Variants in STRN observed in about 807,000 individuals in gnomAD.
The protein encoded by STRN is protein phosphatase 2 regulatory subunit B'''alpha.
A neutral mutation model predicts 96.3 loss-of-function variants in STRN; 53 were observed. The ratio of observed to expected loss-of-function variants is 0.55; its 90% CI spans 0.44 to 0.69. The LOEUF is 0.69. Among genes scored for constraint, STRN ranks in the 30% least tolerant of loss-of-function variants. The pLI is 0.00. For missense variants in STRN, 987 were observed against 963.9 expected (o/e 1.02, Z -0.32); for synonymous variants, 428 against 355.9 (o/e 1.20, Z -2.28).
intron 2 of STRN, among the ~76,000 whole-genome samples, chr2:36,922,362 T>C (rs1273080639): frequency 1.3e-5 from 2 of 151,684 alleles, no homozygotes; most frequent in Non-Finnish European, 2.9e-5. Flanking sequence ...CTCTAAAAAA[T>C]TAAAAATTTA....
chr2:36,928,290 G>A (rs887859356), intron 1 of STRN, among the ~76,000 whole-genome samples: 4 of 152,118 alleles, frequency 2.6e-5, no homozygotes, highest in African/African-American at 9.7e-5. Flanking sequence ...AAGGGCGAGG[G>A]TGAGAGACAT....
intron 8 of STRN, among the ~76,000 whole-genome samples, chr2:36,885,935 G>T (rs954153712): frequency 2.0e-5 from 3 of 152,036 alleles, no homozygotes; most frequent in Admixed American, 2.0e-4. Context: ...ATTTAGCCTT[G>T]TTCCCCTAAG....
chr2:36,929,940 G>C (rs533482887), intron 1 of STRN, among the ~76,000 whole-genome samples: 1 of 152,302 alleles, frequency 6.6e-6, no homozygotes, highest in African/African-American at 2.4e-5. Context: ...CAAAGTAAAA[G>C]AGGAAATATA....
intron 2 of STRN, among the ~76,000 whole-genome samples, chr2:36,918,750 C>T (rs1222508676): frequency 1.3e-5 from 2 of 152,160 alleles, no homozygotes; most frequent in Non-Finnish European, 2.9e-5. Flanking sequence ...ACAGAACCCT[C>T]CTTATGCTTA....
rs1368729439 is a variant in STRN, at chr2:36,966,302, G to A, written c.162C>T (p.His54=). 4 of 1,575,818 alleles carry A rather than the reference G, an allele frequency of 2.5e-6. No homozygotes were observed. Among genetic ancestry groups the A allele is most frequent in the East Asian group, 4.9e-5 (2 of 40,634 alleles). The change falls in exon 1 of 18, where the codon CAC becomes CAT. Residue 54 remains histidine (H), a synonymous_variant. Coordinates refer to ENST00000263918, the MANE Select transcript of STRN (RefSeq NM_003162.4). ...RAQYSLPGIL[H]FLQHEWARFE... is the part of the protein sequence containing the mutation. Reference sequence around the variant, plus strand: ...AGCGGGCCCACTCGTGCTGCAGGAAGTGCAGGATCCCCGGGAGACTGTACT... The same window carrying A: ...AGCGGGCCCACTCGTGCTGCAGGAAATGCAGGATCCCCGGGAGACTGTACT...
At chr2:36,947,914 T>G (rs1247260866) in intron 1 of STRN, among the ~76,000 whole-genome samples, 4 of 151,866 alleles carry the variant, frequency 2.6e-5, no homozygotes, top group Non-Finnish European at 5.9e-5. Flanking sequence ...CTCATTTTCA[T>G]GGGACACTAA....
rs759945372 is a variant in STRN at position 36,847,781 on chromosome 2, G to C, written c.*1675C>G. Reference sequence around the variant, plus strand: ...TCAATCATTAGCCACACCACCACCAGAATACTTTTTCAAGGAGTAGATGTA... The same window carrying C: ...TCAATCATTAGCCACACCACCACCACAATACTTTTTCAAGGAGTAGATGTA... On this transcript the variant is annotated 3_prime_UTR_variant, in exon 18 of 18. Transcript: ENST00000263918. 8 of 152,110 alleles carry C rather than the reference G, an allele frequency of 5.3e-5. No individual in the cohort carries two copies. Among genetic ancestry groups the C allele is most frequent in the Non-Finnish European group, 1.2e-4 (8 of 68,028 alleles). The allele number at this position is 152,110 out of a possible 1,614,324, so 9.4% of individuals were successfully genotyped here. A position where few individuals can be genotyped will look rare whatever the true frequency, so the allele number is the denominator to read the frequency against.
intron 13 of STRN, among the ~76,000 whole-genome samples, chr2:36,860,433 T>C (rs566547704): frequency 6.6e-5 from 10 of 152,302 alleles, no homozygotes; most frequent in South Asian, 2.1e-4. Context: ...TTTTTGTTTA[T>C]TGAATTTCTT....
Position 36,849,228 on chromosome 2 carries a change from G to C in STRN, c.*228C>G. The C allele has an allele frequency of 2.0e-6, 1 of 512,628 alleles. No homozygotes were observed. Among genetic ancestry groups the C allele is most frequent in the African/African-American group, 1.9e-5 (1 of 52,568 alleles). 31.8% of individuals were successfully genotyped at this position (512,628 alleles called of 1,614,324 possible). A position where few individuals can be genotyped will look rare whatever the true frequency, so the allele number is the denominator to read the frequency against. The stretch of plus-strand genomic sequence containing the variant: ...AAAGGCGCCTATTGGGGAGAAATTT[G>C]AAACAGACCTCAGGCTCACAGATTC... On this transcript the variant is annotated 3_prime_UTR_variant, in exon 18 of 18. Transcript: ENST00000263918.
At chr2:36,906,146 T>C (rs1669812977) in intron 3 of STRN, among the ~76,000 whole-genome samples, 1 of 152,126 alleles carries the variant, frequency 6.6e-6, no homozygotes, top group African/African-American at 2.4e-5. Context: ...ATATACACCA[T>C]GTACCCACAG....
At chr2:36,920,496 G>C (rs1420869128) in intron 2 of STRN, among the ~76,000 whole-genome samples, 4 of 152,070 alleles carry the variant, frequency 2.6e-5, no homozygotes, top group Non-Finnish European at 4.4e-5. Flanking sequence ...AAATTAGCCA[G>C]GTGTGGTGGT....
intron 1 of STRN, among the ~76,000 whole-genome samples, chr2:36,948,389 C>T (rs556263770): frequency 3.9e-5 from 6 of 152,098 alleles, no homozygotes; most frequent in South Asian, 4.1e-4. Flanking sequence ...CATGATCCAC[C>T]GCGTCCAGCC....
At chr2:36,961,114 A>G (rs1572703857) in intron 1 of STRN, among the ~76,000 whole-genome samples, 1 of 73,366 alleles carries the variant, frequency 1.4e-5, no homozygotes, top group Non-Finnish European at 2.5e-5. Context: ...CCCAGGCTGC[A>G]CTTTTTTTTT....
Position 36,867,845 on chromosome 2 carries a change from CA to C in STRN, c.1515del (p.Asp505GlufsTer2), listed in dbSNP as rs1309675878. The C allele has an allele frequency of 6.3e-7, 1 of 1,594,026 alleles. No homozygotes were observed. On this transcript the variant is annotated frameshift_variant, in exon 12 of 18. Transcript: ENST00000263918. LOFTEE classifies it high-confidence loss of function. ...GCTCTGAATGTATAGATAGGTTCTA[CA>C]TCAAGAGAAGTGCTCCTAAATCAGA... ...TAPAKKSTSL[D>X]VEPIYTFRAH...
intron 1 of STRN, among the ~76,000 whole-genome samples, chr2:36,964,174 A>ACGGGG (rs1273452238): frequency 1.2e-4 from 9 of 73,562 alleles, no homozygotes; most frequent in Admixed American, 2.5e-4. Context: ...GAGGGAGTGA[A>ACGGGG]CGGGGCGGGG....
In STRN at chr2:36,846,873, A is replaced by C. The variant is rs1379665401; in HGVS notation, c.*2583T>G. On this transcript the variant is annotated 3_prime_UTR_variant, in exon 18 of 18. Coordinates refer to ENST00000263918, the MANE Select transcript of STRN (RefSeq NM_003162.4). ...CATATGAAAATAAGGCAGGGATCCA[A>C]ACCTCCCGCTAATTTTCATACTATT... 6.6e-6 allele frequency: 1 copy of C among 152,142 alleles called. No individual in the cohort carries two copies. The highest frequency in any genetic ancestry group is 2.4e-5 in the African/African-American group (1 of 41,440). 9.4% of individuals were successfully genotyped at this position (152,142 alleles called of 1,614,324 possible). A position where few individuals can be genotyped will look rare whatever the true frequency, so the allele number is the denominator to read the frequency against.
At chr2:36,915,232 AATATATATATATATATAT>A (rs72466696) in intron 3 of STRN, among the ~76,000 whole-genome samples, 9,762 of 86,536 alleles carry the variant, frequency 0.11, 783 homozygotes, top group East Asian at 0.23. Flanking sequence ...TGAATACATA[AATATATATATATATATAT>A]ATATATATAT....
chr2:36,897,445 A>T (rs55810146), intron 6 of STRN, among the ~76,000 whole-genome samples: 119,021 of 149,710 alleles, frequency 0.8, 50,787 homozygotes, highest in Non-Finnish European at 0.94. Flanking sequence ...ATATATATAT[A>T]TTTTTTTTTT....
chr2:36,876,722 A>G (rs1668922086), intron 10 of STRN, among the ~76,000 whole-genome samples: 1 of 151,262 alleles, frequency 6.6e-6, no homozygotes, highest in South Asian at 2.1e-4. Flanking sequence ...TTTCTAATAA[A>G]TTATTTATTG....
Sources: gnomAD v4.1 joint callset for allele counts (sites outside exome capture counted in the v4.1 genomes callset) on GRCh38, gnomAD v4.1.1 for gene constraint, MANE v1.5 for transcripts, NCBI Gene and HGNC (gene_info 2026-07-23, HGNC 2026-07-21) for gene names.